The following TNFSF13B variants were observed in gnomAD, a reference collection of about 807,000 sequenced individuals.
TNFSF13B encodes TNF superfamily member 13b.
In TNFSF13B, 8 loss-of-function variants were observed where a neutral mutation model predicts 29.1. The observed-to-expected ratio is 0.27, with a 90% CI of 0.16 to 0.50. TNFSF13B has a LOEUF of 0.50. TNFSF13B is among the 20% of genes least tolerant of loss of function. TNFSF13B has a pLI of 0.98. For synonymous variants in TNFSF13B, 125 were observed against 130.8 expected (o/e 0.96, Z 0.30); for missense variants, 248 against 334.9 (o/e 0.74, Z 2.03).
At chr13:108,280,427 G>A (rs775546410) in intron 2 of TNFSF13B, among the ~76,000 whole-genome samples, 13 of 152,236 alleles carry the variant, frequency 8.5e-5, no homozygotes, top group Non-Finnish European at 1.8e-4. Flanking sequence ...ATTGCTGATT[G>A]GGGAATTCAT....
At chr13:108,275,644 T>C (rs1182339983) in intron 2 of TNFSF13B, among the ~76,000 whole-genome samples, 1 of 152,150 alleles carries the variant, frequency 6.6e-6, no homozygotes, top group Non-Finnish European at 1.5e-5. Flanking sequence ...TATATTTTTC[T>C]TCATTTTTAA....
chr13:108,293,036 A>G (rs571253419), intron 3 of TNFSF13B, among the ~76,000 whole-genome samples: 3 of 152,266 alleles, frequency 2.0e-5, no homozygotes, highest in African/African-American at 7.2e-5. Flanking sequence ...GTTTTCTTCT[A>G]AGAGTCTTGT....
intron 2 of TNFSF13B, among the ~76,000 whole-genome samples, chr13:108,280,554 T>G (rs1258694557): frequency 6.6e-6 from 1 of 152,206 alleles, no homozygotes; most frequent in East Asian, 1.9e-4. Flanking sequence ...CTCCTGATAT[T>G]CAGTGCGTTC....
rs1881505906 is a variant in TNFSF13B at position 108,298,111 on chromosome 13, A to T, written c.482-5142A>T. 1.4e-5 allele frequency among the ~76,000 whole-genome samples: 2 copies of T among 144,954 alleles called. 1 individual carries two copies. The highest frequency in any genetic ancestry group is 3.1e-5 in the Non-Finnish European group (2 of 65,336). ...TCACTTCTTTTTTTTAGTAATAGCA[A>T]TTTAAGTTTCCTTCATGATATATCA... On this transcript the variant is annotated intron_variant, in intron 3 of 5. Coordinates refer to ENST00000375887, the MANE Select transcript of TNFSF13B (RefSeq NM_006573.5).
At chr13:108,281,252 A>G (rs965525490) in intron 2 of TNFSF13B, among the ~76,000 whole-genome samples, 4 of 152,144 alleles carry the variant, frequency 2.6e-5, no homozygotes, top group Non-Finnish European at 4.4e-5. Context: ...AAAAAAAAAG[A>G]AAAAGAAAGA....
intron 3 of TNFSF13B, among the ~76,000 whole-genome samples, chr13:108,293,341 T>C (rs1881379642): frequency 6.6e-6 from 1 of 152,208 alleles, no homozygotes; most frequent in African/African-American, 2.4e-5. Context: ...ATAGTAAATT[T>C]TGAAATTTAG....
intron 2 of TNFSF13B, among the ~76,000 whole-genome samples, chr13:108,270,753 G>A (rs1555311195): frequency 6.6e-6 from 1 of 152,002 alleles, no homozygotes; most frequent in Non-Finnish European, 1.5e-5. Context: ...CATGTGAGAA[G>A]CATTATTCAT....
intron 5 of TNFSF13B, among the ~76,000 whole-genome samples, chr13:108,305,691 T>C (rs779845596): frequency 6.6e-6 from 1 of 152,164 alleles, no homozygotes; most frequent in Non-Finnish European, 1.5e-5. Flanking sequence ...TGAAAAACTT[T>C]CTTTTGCTTG....
chr13:108,270,976 G>GAC (rs1431054066), intron 2 of TNFSF13B, among the ~76,000 whole-genome samples: 3 of 145,404 alleles, frequency 2.1e-5, no homozygotes, highest in Non-Finnish European at 3.0e-5. Flanking sequence ...CACACGCACA[G>GAC]ACACACACAC....
intron 3 of TNFSF13B, among the ~76,000 whole-genome samples, chr13:108,288,679 G>A (rs889449677): frequency 5.3e-5 from 8 of 152,212 alleles, no homozygotes; most frequent in African/African-American, 1.9e-4. Flanking sequence ...TACTTTGAAA[G>A]AGCTTACCTC....
chr13:108,282,464 A>G (rs370641303), intron 2 of TNFSF13B, among the ~76,000 whole-genome samples: 2 of 152,216 alleles, frequency 1.3e-5, no homozygotes, highest in African/African-American at 4.8e-5. Context: ...GTATTTAGAC[A>G]TTATACTTCA....
In TNFSF13B at chr13:108,270,019, T is replaced by C; in HGVS notation, c.124T>C (p.Ser42Pro). 6.2e-7 allele frequency: 1 copy of C among 1,612,716 alleles called. No individual in the cohort carries two copies. Residue 42 changes from serine (S) to proline (P), a missense_variant, in exon 1 of 6, where the codon TCC becomes CCC. Ser to Pro is a moderately conservative substitution (Grantham distance 74). Coordinates refer to ENST00000375887, the MANE Select transcript of TNFSF13B (RefSeq NM_006573.5). ...PRKESPSVRSSKDGKLLAATL... is the reference protein window; with the variant it reads ...PRKESPSVRSPKDGKLLAATL... ...GAAGGAAAGCCCCTCTGTCCGATCC[T>C]CCAAAGACGGAAAGCTGCTGGCTGC...
At chr13:108,291,125 A>G (rs1053539258) in intron 3 of TNFSF13B, among the ~76,000 whole-genome samples, 3 of 151,802 alleles carry the variant, frequency 2.0e-5, no homozygotes, top group Admixed American at 6.6e-5. Context: ...ATGCACCCCA[A>G]TAAAATGGCA....
At chr13:108,281,228 T>C (rs1880945402) in intron 2 of TNFSF13B, among the ~76,000 whole-genome samples, 2 of 151,784 alleles carry the variant, frequency 1.3e-5, no homozygotes, top group South Asian at 4.2e-4. Flanking sequence ...GCAATAAGAG[T>C]AGAACTCTGT....
intron 3 of TNFSF13B, among the ~76,000 whole-genome samples, chr13:108,295,726 T>G (rs745904065): frequency 6.9e-6 from 1 of 145,742 alleles, no homozygotes; most frequent in Non-Finnish European, 1.5e-5. Flanking sequence ...ATTGCTATGC[T>G]GTGTTTTTAT....
chr13:108,295,211 G>A (rs1330992150), intron 3 of TNFSF13B, among the ~76,000 whole-genome samples: 3 of 144,892 alleles, frequency 2.1e-5, no homozygotes, highest in Non-Finnish European at 4.6e-5. Context: ...TGGAGTCTCC[G>A]TCACCCAGCC....
At chr13:108,273,947 C>T (rs1213976759) in intron 2 of TNFSF13B, among the ~76,000 whole-genome samples, 1 of 152,120 alleles carries the variant, frequency 6.6e-6, no homozygotes, top group Non-Finnish European at 1.5e-5. Context: ...CCTTTCCCTC[C>T]TCCCCCTTAG....
At chr13:108,293,124 C>A (rs1881369570) in intron 3 of TNFSF13B, among the ~76,000 whole-genome samples, 1 of 152,006 alleles carries the variant, frequency 6.6e-6, no homozygotes, top group African/African-American at 2.4e-5. Context: ...GGTCCAAAAT[C>A]ATCTTTTAGC....
chr13:108,306,185 GTTAA>G (rs1881771353), intron 5 of TNFSF13B, among the ~76,000 whole-genome samples: 1 of 152,004 alleles, frequency 6.6e-6, no homozygotes, highest in Non-Finnish European at 1.5e-5. Flanking sequence ...TTTTTGAAGA[GTTAA>G]TTACACTGTT....
Sources: allele counts gnomAD v4.1 joint callset (sites outside exome capture counted in the v4.1 genomes callset), GRCh38; gene constraint gnomAD v4.1.1; transcripts MANE v1.5; gene names NCBI Gene and HGNC (gene_info 2026-07-23, HGNC 2026-07-21).